Variants in GJB6 observed in about 807,000 individuals in gnomAD.
GJB6 encodes the protein gap junction protein beta 6.
A neutral mutation model predicts 5.4 loss-of-function variants in GJB6; 5 were observed. The observed-to-expected ratio is 0.92, with a 90% CI of 0.48 to 1.93. The LOEUF (loss-of-function observed/expected upper bound fraction) is 1.93, where lower values mean the gene tolerates loss of function less well. Ranked by LOEUF, GJB6 falls within the 30% of genes most tolerant of loss-of-function variation. The probability of loss-of-function intolerance (pLI) is 0.01; values close to 1 mark genes in which losing one functional copy is unlikely to be tolerated. For missense variants in GJB6, 298 were observed against 326.9 expected (o/e 0.91, Z 0.68); for synonymous variants, 136 against 129.6 (o/e 1.05, Z -0.34).
intron 4 of GJB6, among the ~76,000 whole-genome samples, chr13:20,227,361 T>G (rs1356676101): frequency 6.6e-6 from 1 of 152,118 alleles, no homozygotes; most frequent in African/African-American, 2.4e-5. Context: ...CCGAGCTTGC[T>G]GAGAAAAATG....
rs267603771 is a variant in GJB6 at position 20,223,216 on chromosome 13, G to A, written c.265C>T (p.Leu89=). The change falls in exon 5 of 5, where the codon CTG becomes TTG. Residue 89 remains leucine (L), a synonymous_variant. Transcript: ENST00000647029. ...LQLIFVSTPA[L]LVAMHVAYYR... Reference sequence around the variant, plus strand: ...TAGGCCACATGCATGGCCACCAGCAGCGCTGGGGTGGAGACGAAGATCAGC... The same window carrying A: ...TAGGCCACATGCATGGCCACCAGCAACGCTGGGGTGGAGACGAAGATCAGC... The A allele has an allele frequency of 6.2e-7, 1 of 1,610,504 alleles. No homozygotes were observed. Among genetic ancestry groups the A allele is most frequent in the Non-Finnish European group, 8.5e-7 (1 of 1,177,206 alleles).
At chr13:20,223,596 CTG>C in intron 4 of GJB6, 101 bp from the exon 5 acceptor site, 1 of 921,422 alleles carries the variant, frequency 1.1e-6, no homozygotes, top group Non-Finnish European at 1.8e-6. Context: ...TTAAGGTAGG[CTG>C]TGATACTTTA....
intron 4 of GJB6, among the ~76,000 whole-genome samples, chr13:20,226,791 C>T (rs928193902): frequency 6.6e-6 from 1 of 152,146 alleles, no homozygotes; most frequent in Non-Finnish European, 1.5e-5. Context: ...ATTTGGTCAA[C>T]AAAATGCCCA....
intron 4 of GJB6, among the ~76,000 whole-genome samples, chr13:20,226,363 T>C (rs1211721307): frequency 6.6e-6 from 1 of 151,834 alleles, no homozygotes; most frequent in Non-Finnish European, 1.5e-5. Flanking sequence ...AAGCATTTCA[T>C]CAGAGGCTGT....
At chr13:20,230,559 A>G (rs1870013184) in intron 3 of GJB6, 139 bp downstream of exon 3, 1 of 152,218 alleles carries the variant, frequency 6.6e-6, no homozygotes, top group African/African-American at 2.4e-5. Flanking sequence ...AAGCAACTAA[A>G]ACAGAAATCA....
At chr13:20,229,150 A>AATT (rs1869874003) in intron 4 of GJB6, among the ~76,000 whole-genome samples, 1 of 62,184 alleles carries the variant, frequency 1.6e-5, no homozygotes, top group Admixed American at 2.0e-4. Flanking sequence ...AAAAAAAAAA[A>AATT]TTTTTTTTTT....
At chr13:20,227,181 A>T (rs1281162573) in intron 4 of GJB6, among the ~76,000 whole-genome samples, 1 of 151,894 alleles carries the variant, frequency 6.6e-6, no homozygotes, top group Non-Finnish European at 1.5e-5. Flanking sequence ...GTAGCTTTTT[A>T]AATTTCTTTG....
In GJB6 at chr13:20,223,296, T is replaced by C; in HGVS notation, c.185A>G (p.Asn62Ser). ...VCNTLQPGCK[N>S]VCYDHFFPVS... The stretch of plus-strand genomic sequence containing the variant: ...CGGGAAAAAGTGGTCATAGCACACA[T>C]TTTTGCATCCCGGTTGCAGTGTGTT... The change falls in exon 5 of 5, where the codon AAT (asparagine) becomes AGT (serine). Residue 62 changes from asparagine to serine, a missense_variant. Transcript: ENST00000647029. The C allele has an allele frequency of 6.2e-7, 1 of 1,613,976 alleles. No individual in the cohort carries two copies. Among genetic ancestry groups the C allele is most frequent in the Non-Finnish European group, 8.5e-7 (1 of 1,179,876 alleles).
Position 20,222,105 on chromosome 13 carries a change from T to C in GJB6, c.*590A>G, listed in dbSNP as rs907065011. On this transcript the variant is annotated 3_prime_UTR_variant, in exon 5 of 5. Coordinates refer to ENST00000647029, the MANE Select transcript of GJB6 (RefSeq NM_001110219.3). ...CTACATTCAGAAAGCAGTAAAAATA[T>C]ATTGTGCAATGAACACTTTCCACCT... The C allele has an allele frequency of 3.3e-5, 5 of 153,648 alleles. No homozygotes were observed. The highest frequency in any genetic ancestry group is 1.2e-4 in the African/African-American group (5 of 41,472). 9.5% of individuals were successfully genotyped at this position (153,648 alleles called of 1,614,324 possible). A position where few individuals can be genotyped will look rare whatever the true frequency, so the allele number is the denominator to read the frequency against.
chr13:20,227,606 T>C (rs919799970), intron 4 of GJB6, among the ~76,000 whole-genome samples: 2 of 152,180 alleles, frequency 1.3e-5, no homozygotes, highest in Admixed American at 6.5e-5. Context: ...AGTGGCTCTT[T>C]CCATTCTTTT....
chr13:20,223,093 C>T lies in GJB6; in HGVS notation c.388G>A (p.Gly130Arg). Residue 130 changes from glycine to arginine, a missense_variant, in exon 5 of 5, where the codon GGG (glycine) becomes AGG (arginine). By Grantham distance (125) the Gly-to-Arg change is moderately radical. Transcript: ENST00000647029. ...CTGGTGTACGTCCACCACAGCGACCCCTCTATCCGAACCTTCTGCTTTTTA... is the reference window on the plus strand; with the variant it reads ...CTGGTGTACGTCCACCACAGCGACCTCTCTATCCGAACCTTCTGCTTTTTA... ...DIKKQKVRIEGSLWWTYTSSI... is the reference protein window; with the variant it reads ...DIKKQKVRIERSLWWTYTSSI... 6.2e-7 allele frequency: 1 copy of T among 1,613,898 alleles called. No individual in the cohort carries two copies. The highest frequency in any genetic ancestry group is 1.1e-5 in the South Asian group (1 of 91,072).
intron 4 of GJB6, among the ~76,000 whole-genome samples, chr13:20,227,218 G>T (rs545284379): frequency 6.6e-6 from 1 of 152,014 alleles, no homozygotes; most frequent in African/African-American, 2.4e-5. Context: ...CAAGCCACAC[G>T]GTCTGAGGGT....
intron 4 of GJB6, among the ~76,000 whole-genome samples, chr13:20,228,631 C>T (rs1181752602): frequency 6.6e-5 from 10 of 150,956 alleles, no homozygotes; most frequent in African/African-American, 1.5e-4. Flanking sequence ...ACTACAGGCG[C>T]CTGCCACCAA....
rs968607302 is a variant in GJB6, at chr13:20,227,516, G to A, written c.-16+2064C>T. 3.3e-5 allele frequency among the ~76,000 whole-genome samples: 5 copies of A among 152,254 alleles called. No homozygotes were observed. In the East Asian group the frequency reaches 5.8e-4, roughly 18 times the overall value. On this transcript the variant is annotated intron_variant, in intron 4 of 4. Transcript: ENST00000647029. ...AAGGGAGAAGCTGTGTCCTCTCTCCGAACCTGCCCGGTCCTGAGTGGGCTG... is the reference window on the plus strand; with the variant it reads ...AAGGGAGAAGCTGTGTCCTCTCTCCAAACCTGCCCGGTCCTGAGTGGGCTG...
In GJB6 at chr13:20,223,316, T is replaced by C. The variant is rs1175349695; in HGVS notation, c.165A>G (p.Thr55=). The C allele has an allele frequency of 6.2e-7, 1 of 1,613,960 alleles. No individual in the cohort carries two copies. The highest frequency in any genetic ancestry group is 8.5e-7 in the Non-Finnish European group (1 of 1,180,002). Residue 55 remains threonine (T), a synonymous_variant, in exon 5 of 5, where the codon ACA becomes ACG. Coordinates refer to ENST00000647029, the MANE Select transcript of GJB6 (RefSeq NM_001110219.3). ...GDEQEDFVCN[T]LQPGCKNVCY... Reference sequence around the variant, plus strand: ...ACACATTTTTGCATCCCGGTTGCAGTGTGTTGCAGACGAAGTCCTCTTGCT... The same window carrying C: ...ACACATTTTTGCATCCCGGTTGCAGCGTGTTGCAGACGAAGTCCTCTTGCT...
At chr13:20,226,090 A>G (rs1869558802) in intron 4 of GJB6, among the ~76,000 whole-genome samples, 1 of 152,120 alleles carries the variant, frequency 6.6e-6, no homozygotes, top group African/African-American at 2.4e-5. Context: ...TCGGGGGCGC[A>G]TCAACAGGTG....
At chr13:20,223,808 A>G (rs1257372001) in intron 4 of GJB6, among the ~76,000 whole-genome samples, 1 of 150,994 alleles carries the variant, frequency 6.6e-6, no homozygotes, top group African/African-American at 2.5e-5. Flanking sequence ...TACTAACAAT[A>G]CGAAAAAAAA....
chr13:20,223,112 C>T lies in GJB6; in HGVS notation c.369G>A (p.Lys123=). 1 of 1,614,002 alleles carries T rather than the reference C, an allele frequency of 6.2e-7. No homozygotes were observed. The highest frequency in any genetic ancestry group is 1.1e-5 in the South Asian group (1 of 91,082). ...GCGACCCCTCTATCCGAACCTTCTG[C>T]TTTTTAATGTCCTCTATGTCTTTGA... ...NDFKDIEDIK[K]QKVRIEGSLW... Residue 123 remains lysine (K), a synonymous_variant, in exon 5 of 5, where the codon AAG becomes AAA. Coordinates refer to ENST00000647029, the MANE Select transcript of GJB6 (RefSeq NM_001110219.3).
chr13:20,222,780 T>G lies in GJB6; in HGVS notation c.701A>C (p.His234Pro). 6.2e-7 allele frequency: 1 copy of G among 1,613,990 alleles called. No individual in the cohort carries two copies. Among genetic ancestry groups the G allele is most frequent in the East Asian group, 2.2e-5 (1 of 44,876 alleles). ...RAQTQKNHPN[H>P]ALKESKQNEM... ...ATTCTGCTTACTCTCCTTTAGGGCA[T>G]GATTGGGGTGATTTTTTTGCGTCTG... is the stretch of plus-strand genomic sequence containing the variant. Residue 234 changes from histidine to proline, a missense_variant, in exon 5 of 5, where the codon CAT (histidine) becomes CCT (proline). Transcript: ENST00000647029.
Sources: allele counts gnomAD v4.1 joint callset (sites outside exome capture counted in the v4.1 genomes callset), GRCh38; gene constraint gnomAD v4.1.1; transcripts MANE v1.5; gene names NCBI Gene and HGNC (gene_info 2026-07-23, HGNC 2026-07-21).